SNTG2: variants seen among roughly 807,000 people sequenced by gnomAD.
SNTG2 encodes gamma-2-syntrophin.
SNTG2 carries 74 observed loss-of-function variants against 70.9 expected under a neutral mutation model. The observed-to-expected ratio is 1.04, with a 90% confidence interval of 0.86 to 1.27. SNTG2 has a LOEUF of 1.27. Ranked by LOEUF, SNTG2 falls within the 50% of genes most tolerant of loss-of-function variation. The pLI is 0.00. For synonymous variants in SNTG2, 278 were observed against 273.8 expected (o/e 1.02, Z -0.15); for missense variants, 717 against 690.7 (o/e 1.04, Z -0.43).
At chr2:1,239,222 T>C (rs1175768467) in intron 10 of SNTG2, among the ~76,000 whole-genome samples, 1 of 152,204 alleles carries the variant, frequency 6.6e-6, no homozygotes, top group Non-Finnish European at 1.5e-5. Context: ...CACCCCAATA[T>C]TTCAGAACAG....
intron 11 of SNTG2, among the ~76,000 whole-genome samples, chr2:1,245,570 T>A (rs1464870873): frequency 2.6e-5 from 4 of 152,240 alleles, no homozygotes; most frequent in African/African-American, 9.6e-5. Context: ...GAATTCATGT[T>A]AATTATGGAA....
chr2:965,847 C>A (rs564054684), intron 1 of SNTG2, among the ~76,000 whole-genome samples: 21 of 152,290 alleles, frequency 1.4e-4, no homozygotes, highest in Admixed American at 5.2e-4. Flanking sequence ...TCTCCACCCT[C>A]CATGGTGAGC....
intron 1 of SNTG2, among the ~76,000 whole-genome samples, chr2:993,701 A>AT (rs985116739): frequency 7.3e-5 from 11 of 151,140 alleles, no homozygotes; most frequent in African/African-American, 9.7e-5. Context: ...CTTTGTGTCT[A>AT]TTTTTTTTTA....
At chr2:1,039,556 T>G (rs1046811571) in intron 1 of SNTG2, among the ~76,000 whole-genome samples, 3 of 152,170 alleles carry the variant, frequency 2.0e-5, no homozygotes, top group Admixed American at 2.0e-4. Context: ...TGACTGGTCT[T>G]CCTTGTTTTC....
chr2:1,275,938 A>G (rs1679248960), intron 14 of SNTG2, among the ~76,000 whole-genome samples: 1 of 152,234 alleles, frequency 6.6e-6, no homozygotes, highest in Non-Finnish European at 1.5e-5. Context: ...AACAAGATCA[A>G]CGTGCTGAAT....
chr2:1,215,257 G>A (rs999806393), intron 9 of SNTG2, among the ~76,000 whole-genome samples: 2 of 152,172 alleles, frequency 1.3e-5, no homozygotes, highest in African/African-American at 4.8e-5. Context: ...ATAAAGGTGA[G>A]TTTGGAAGTG....
At position 1,323,701 on chromosome 2, in the gene SNTG2, A is replaced by T. The variant is rs553902482; in HGVS notation, c.1488+7326A>T. On this transcript the variant is annotated intron_variant, in intron 16 of 16. Transcript: ENST00000308624. ...CTGAGACCCCCTAGTAGGCTGGAAC[A>T]TGGCTAACAGTCACATGGCTGAGAC... Among the ~76,000 whole-genome samples, 5 of 150,648 alleles carry T rather than the reference A, an allele frequency of 3.3e-5. No homozygotes were observed. In the South Asian group the frequency reaches 1.1e-3, roughly 32 times the overall value.
intron 4 of SNTG2, among the ~76,000 whole-genome samples, chr2:1,133,720 A>G (rs1021915630): frequency 6.6e-6 from 1 of 151,152 alleles, no homozygotes; most frequent in Admixed American, 6.6e-5. Flanking sequence ...TTAAGGCTAA[A>G]AGTGTCCGTC....
intron 6 of SNTG2, among the ~76,000 whole-genome samples, chr2:1,155,124 TACA>T (rs1398565080): frequency 7.6e-6 from 1 of 132,016 alleles, no homozygotes; most frequent in Non-Finnish European, 1.5e-5. Context: ...CACATATACA[TACA>T]ACACAAACAC....
chr2:1,312,206 C>T (rs1427070371), intron 15 of SNTG2, among the ~76,000 whole-genome samples: 4 of 149,560 alleles, frequency 2.7e-5, no homozygotes, highest in African/African-American at 5.0e-5. Context: ...CTAAATCTCT[C>T]GATGCAAAGT....
chr2:1,348,815 G>A (rs552104567), intron 16 of SNTG2, among the ~76,000 whole-genome samples: 7 of 152,264 alleles, frequency 4.6e-5, no homozygotes, highest in African/African-American at 1.7e-4. Flanking sequence ...TTAACAAATT[G>A]TTGTACAGTT....
At chr2:1,169,529 C>CA in intron 7 of SNTG2, among the ~76,000 whole-genome samples, 1 of 152,342 alleles carries the variant, frequency 6.6e-6, no homozygotes, top group East Asian at 1.9e-4. Flanking sequence ...AGCCCCATAG[C>CA]ACTGAGCCTG....
At chr2:1,287,011 G>A (rs1369061386) in intron 14 of SNTG2, among the ~76,000 whole-genome samples, 1 of 152,198 alleles carries the variant, frequency 6.6e-6, no homozygotes, top group Non-Finnish European at 1.5e-5. Flanking sequence ...GAGACCAGGT[G>A]TGTTCTCCAG....
intron 12 of SNTG2, among the ~76,000 whole-genome samples, chr2:1,253,491 G>A (rs1028246020): frequency 1.3e-5 from 2 of 152,116 alleles, no homozygotes; most frequent in Admixed American, 6.6e-5. Context: ...ACAGAGCTTC[G>A]ATTCTCAGCA....
intron 16 of SNTG2, among the ~76,000 whole-genome samples, chr2:1,335,993 G>A (rs1277506054): frequency 6.6e-6 from 1 of 151,960 alleles, no homozygotes; most frequent in Non-Finnish European, 1.5e-5. Context: ...TTTTTTATTT[G>A]GAAGGGACCG....
chr2:1,364,522 C>T (rs1430870619), intron 16 of SNTG2, among the ~76,000 whole-genome samples: 9 of 151,288 alleles, frequency 5.9e-5, no homozygotes, highest in Non-Finnish European at 1.5e-5. Flanking sequence ...TTTGGGAGGC[C>T]GGTGCTGGCA....
chr2:1,220,787 CAG>C (rs1472957040), intron 9 of SNTG2, among the ~76,000 whole-genome samples: 1 of 152,214 alleles, frequency 6.6e-6, no homozygotes, highest in Non-Finnish European at 1.5e-5. Context: ...TAAGTCTTCT[CAG>C]AAGCCAGTGC....
In SNTG2 at chr2:951,085, A is replaced by C; in HGVS notation, c.72+17A>C. 1 of 1,234,852 alleles carries C rather than the reference A, an allele frequency of 8.1e-7. No homozygotes were observed. 76.5% of individuals were successfully genotyped at this position (1,234,852 alleles called of 1,614,324 possible). A position where few individuals can be genotyped will look rare whatever the true frequency, so the allele number is the denominator to read the frequency against. On this transcript the variant is annotated intron_variant, in intron 1 of 16. Coordinates refer to ENST00000308624, the MANE Select transcript of SNTG2 (RefSeq NM_018968.4). ...CCTGCGCGGGTGAGTGCGGCCCCTC[A>C]GCGCCCCTTCACCTCCGGCCCCCCT... is the stretch of plus-strand genomic sequence containing the variant.
intron 16 of SNTG2, among the ~76,000 whole-genome samples, chr2:1,338,519 T>A (rs1245994795): frequency 6.6e-6 from 1 of 152,200 alleles, no homozygotes; most frequent in Non-Finnish European, 1.5e-5. Flanking sequence ...AAACAAAATT[T>A]ATTTTCCCCT....
Sources: gnomAD v4.1 joint callset for allele counts (sites outside exome capture counted in the v4.1 genomes callset) on GRCh38, gnomAD v4.1.1 for gene constraint, MANE v1.5 for transcripts, NCBI Gene and HGNC (gene_info 2026-07-23, HGNC 2026-07-21) for gene names.